KIT: variants seen among roughly 807,000 people sequenced by gnomAD.
KIT encodes mast/stem cell growth factor receptor Kit.
In KIT, 16 loss-of-function variants were observed where a neutral mutation model predicts 105.7. The ratio of observed to expected loss-of-function variants is 0.15; its 90% CI spans 0.10 to 0.23. The LOEUF is 0.23. KIT is among the 10% of genes least tolerant of loss of function. The probability of loss-of-function intolerance (pLI) is 1.00; values close to 1 mark genes in which losing one functional copy is unlikely to be tolerated. For synonymous variants in KIT, 438 were observed against 441.1 expected (o/e 0.99, Z 0.09); for missense variants, 858 against 1,213.8 (o/e 0.71, Z 4.36).
chr4:54,712,161 C>T (rs1036655314), intron 7 of KIT, among the ~76,000 whole-genome samples: 1 of 152,078 alleles, frequency 6.6e-6, no homozygotes, highest in African/African-American at 2.4e-5. Context: ...TCTAAGATTC[C>T]CAATACATTG....
At chr4:54,681,691 A>C (rs1305322166) in intron 1 of KIT, among the ~76,000 whole-genome samples, 1 of 152,104 alleles carries the variant, frequency 6.6e-6, no homozygotes, top group East Asian at 1.9e-4. Context: ...TCAGAGCCGT[A>C]AGTCAAATTT....
At chr4:54,710,201 G>A (rs1721055979) in intron 7 of KIT, among the ~76,000 whole-genome samples, 1 of 152,180 alleles carries the variant, frequency 6.6e-6, no homozygotes, top group Non-Finnish European at 1.5e-5. Context: ...AAGGGAGCCC[G>A]ATCATGAGCT....
chr4:54,726,649 TTTG>T (rs1722232435), intron 9 of KIT, among the ~76,000 whole-genome samples: 1 of 152,202 alleles, frequency 6.6e-6, no homozygotes, highest in South Asian at 2.1e-4. Flanking sequence ...TGTTTGTTTG[TTTG>T]TTGTTTTCGT....
rs139982039 is a variant in KIT at position 54,679,254 on chromosome 4, C to T, written c.68-16258C>T. Among the ~76,000 whole-genome samples the T allele has an allele frequency of 4.5e-3, 682 of 152,234 alleles. 3 individuals are homozygous for T. Among genetic ancestry groups the T allele is most frequent in the African/African-American group, 0.015 (637 of 41,540 alleles). On this transcript the variant is annotated intron_variant, in intron 1 of 20. Coordinates refer to ENST00000288135, the MANE Select transcript of KIT (RefSeq NM_000222.3). Reference sequence around the variant, plus strand: ...CACAAAGGCAAGTGAAAAGGGGCTCCCTGAATGTTTCTACCAACTCCAGAG... The same window carrying T: ...CACAAAGGCAAGTGAAAAGGGGCTCTCTGAATGTTTCTACCAACTCCAGAG...
intron 14 of KIT, among the ~76,000 whole-genome samples, chr4:54,731,113 A>T (rs1722561694): frequency 1.3e-5 from 2 of 152,140 alleles, no homozygotes; most frequent in Non-Finnish European, 2.9e-5. Context: ...CAAAAAGGAC[A>T]CCTAGTTTCT....
At chr4:54,693,183 T>C (rs1035333067) in intron 1 of KIT, among the ~76,000 whole-genome samples, 1 of 152,234 alleles carries the variant, frequency 6.6e-6, no homozygotes, top group African/African-American at 2.4e-5. Context: ...TCCCACTCAA[T>C]TGAAATTGTA....
Position 54,729,451 on chromosome 4 carries a change from T to C in KIT, c.2107T>C (p.Tyr703His), listed in dbSNP as rs746990067. ...GGAAGATCATGCAGAAGCTGCACTT[T>C]ATAAGAATCTTCTGCATTCAAAGGA... is the stretch of plus-strand genomic sequence containing the variant. Reference protein sequence around the residue: ...KQEDHAEAALYKNLLHSKESS... With the variant: ...KQEDHAEAALHKNLLHSKESS... Residue 703 changes from tyrosine to histidine, a missense_variant, in exon 14 of 21, where the codon TAT (tyrosine) becomes CAT (histidine). By Grantham distance (83) the Tyr-to-His change is moderately conservative. This residue lies in a region of KIT where 158 missense variants were observed against 218.7 expected (regional missense o/e 0.72). Coordinates refer to ENST00000288135, the MANE Select transcript of KIT (RefSeq NM_000222.3). 2.3e-5 allele frequency: 37 copies of C among 1,613,570 alleles called. No individual in the cohort carries two copies. Among genetic ancestry groups the C allele is most frequent in the Non-Finnish European group, 2.9e-5 (34 of 1,179,776 alleles).
chr4:54,698,324 G>A lies in KIT; in HGVS notation c.378G>A (p.Gly126=), dbSNP rs1577956648. The change falls in exon 3 of 21, where the codon GGG becomes GGA. Residue 126 remains glycine, a synonymous_variant. Coordinates refer to ENST00000288135, the MANE Select transcript of KIT (RefSeq NM_000222.3). The part of the protein sequence containing the change: ...KLFLVDRSLY[G]KEDNDTLVRC... ...TCCTTGTTGACCGCTCCTTGTATGG[G>A]AAAGAAGACAACGACACGCTGGTCC... The A allele has an allele frequency of 6.2e-7, 1 of 1,614,040 alleles. No homozygotes were observed. Among genetic ancestry groups the A allele is most frequent in the Non-Finnish European group, 8.5e-7 (1 of 1,179,990 alleles).
chr4:54,717,243 G>A (rs901094921), intron 7 of KIT, among the ~76,000 whole-genome samples: 5 of 152,142 alleles, frequency 3.3e-5, no homozygotes, highest in African/African-American at 1.2e-4. Flanking sequence ...ATTCTCTTCT[G>A]TTCTGAAAAA....
At position 54,728,065 on chromosome 4, in the gene KIT, G is replaced by T. The variant is rs1060502566; in HGVS notation, c.1934G>T (p.Ser645Ile). 6.2e-7 allele frequency: 1 copy of T among 1,613,884 alleles called. No homozygotes were observed. ...CTCATGTCTGAACTCAAAGTCCTGA[G>T]TTACCTTGGTAATCACATGAATATT... ...EALMSELKVL[S>I]YLGNHMNIVN... is the part of the protein sequence containing the mutation. Residue 645 changes from serine to isoleucine, a missense_variant, in exon 13 of 21, where the codon AGT becomes ATT. By Grantham distance (142) the Ser-to-Ile change is moderately radical. Transcript: ENST00000288135.
In KIT at chr4:54,738,732, C is replaced by A; in HGVS notation, c.*175C>A. ...GATGATTTTTGTCATCAGCCACCAT[C>A]CTATTGCAAAGGTTCCAACTGTATA... On this transcript the variant is annotated 3_prime_UTR_variant, in exon 21 of 21. Transcript: ENST00000288135. The A allele has an allele frequency of 2.6e-6, 2 of 775,342 alleles. No homozygotes were observed. Among genetic ancestry groups the A allele is most frequent in the South Asian group, 1.5e-5 (1 of 67,842 alleles). 48.0% of individuals were successfully genotyped at this position (775,342 alleles called of 1,614,324 possible).
At position 54,703,745 on chromosome 4, in the gene KIT, A is replaced by G. The variant is rs1720601883; in HGVS notation, c.778A>G (p.Asn260Asp). The G allele has an allele frequency of 6.2e-7, 1 of 1,613,700 alleles. No individual in the cohort carries two copies. Among genetic ancestry groups the G allele is most frequent in the South Asian group, 1.1e-5 (1 of 91,082 alleles). The stretch of plus-strand genomic sequence containing the variant: ...GCAGACTAAACTACAGGAGAAATAT[A>G]ATAGCTGGCATCACGGTGACTTCAA... ...NSQTKLQEKY[N>D]SWHHGDFNYE... The change falls in exon 5 of 21, where the codon AAT becomes GAT. Residue 260 changes from asparagine (N) to aspartate (D), a missense_variant. By Grantham distance (23) the Asn-to-Asp change is conservative. Coordinates refer to ENST00000288135, the MANE Select transcript of KIT (RefSeq NM_000222.3).
intron 13 of KIT, among the ~76,000 whole-genome samples, chr4:54,728,744 A>G (rs1231973712): frequency 4.6e-5 from 7 of 152,214 alleles, no homozygotes; most frequent in African/African-American, 1.7e-4. Context: ...CACATCATGA[A>G]TTGTTCATGA....
intron 1 of KIT, among the ~76,000 whole-genome samples, chr4:54,661,622 T>C (rs1717274501): frequency 6.6e-6 from 1 of 152,242 alleles, no homozygotes; most frequent in South Asian, 2.1e-4. Flanking sequence ...TTTGCTGCAT[T>C]AATGTGCGGT....
intron 1 of KIT, among the ~76,000 whole-genome samples, chr4:54,667,619 T>A (rs1192950444): frequency 6.6e-6 from 1 of 152,210 alleles, no homozygotes. Flanking sequence ...GCCGGAAGGC[T>A]CTGCTCCCGC....
Position 54,703,721 on chromosome 4 carries a change from C to G in KIT, c.757-3C>G. 1 of 1,612,234 alleles carries G rather than the reference C, an allele frequency of 6.2e-7. No individual in the cohort carries two copies. Among genetic ancestry groups the G allele is most frequent in the Non-Finnish European group, 8.5e-7 (1 of 1,178,518 alleles). ...TTTTTTTCTCCTTTTCTGAAACCAG[C>G]AGACTAAACTACAGGAGAAATATAA... On this transcript the variant is annotated splice_region_variant and splice_polypyrimidine_tract_variant and intron_variant, in intron 4 of 20. Coordinates refer to ENST00000288135, the MANE Select transcript of KIT (RefSeq NM_000222.3).
At chr4:54,670,084 A>G (rs1017296335) in intron 1 of KIT, among the ~76,000 whole-genome samples, 1 of 152,058 alleles carries the variant, frequency 6.6e-6, no homozygotes, top group South Asian at 2.1e-4. Context: ...TTGATGGAGG[A>G]TTTACCCAAG....
At chr4:54,691,273 G>C (rs1719690735) in intron 1 of KIT, among the ~76,000 whole-genome samples, 1 of 152,132 alleles carries the variant, frequency 6.6e-6, no homozygotes, top group Non-Finnish European at 1.5e-5. Flanking sequence ...TACGATTTAG[G>C]ATCCTTACCT....
Position 54,739,288 on chromosome 4 carries a change from G to A in KIT, c.*731G>A, listed in dbSNP as rs571459383. Reference sequence around the variant, plus strand: ...TGAGGGGAAAACACCATAAGGTTTCGTTTCTGTATACAACCCTGGCATTAT... The same window carrying A: ...TGAGGGGAAAACACCATAAGGTTTCATTTCTGTATACAACCCTGGCATTAT... On this transcript the variant is annotated 3_prime_UTR_variant, in exon 21 of 21. Transcript: ENST00000288135. 40 of 241,206 alleles carry A rather than the reference G, an allele frequency of 1.7e-4. No homozygotes were observed. Among genetic ancestry groups the A allele is most frequent in the Admixed American group, 1.2e-3 (21 of 18,128 alleles). The allele number at this position is 241,206 out of a possible 1,614,324, so 14.9% of individuals were successfully genotyped here.
Sources: allele counts gnomAD v4.1 joint callset (sites outside exome capture counted in the v4.1 genomes callset), GRCh38; gene constraint gnomAD v4.1.1; regional missense constraint gnomAD v4.1.1; transcripts MANE v1.5; gene names NCBI Gene and HGNC (gene_info 2026-07-23, HGNC 2026-07-21).